Variants in RAPGEF2 observed in about 807,000 individuals in gnomAD.
The protein encoded by RAPGEF2 is Rap guanine nucleotide exchange factor 2.
Under a neutral mutation model 186.7 loss-of-function variants are expected in RAPGEF2, and 54 were observed. The ratio of observed to expected loss-of-function variants is 0.29; its 90% confidence interval spans 0.23 to 0.36. The LOEUF is 0.36. Ranked by LOEUF, RAPGEF2 falls within the 10% of genes least tolerant of loss-of-function variation. The probability of loss-of-function intolerance (pLI) is 1.00; values close to 1 mark genes in which losing one functional copy is unlikely to be tolerated. For synonymous variants in RAPGEF2, 712 were observed against 705.9 expected (o/e 1.01, Z -0.14); for missense variants, 1,532 against 2,045.0 (o/e 0.75, Z 4.84).
At chr4:159,143,258 C>G (rs1742545599) in intron 1 of RAPGEF2, among the ~76,000 whole-genome samples, 1 of 151,930 alleles carries the variant, frequency 6.6e-6, no homozygotes, top group Non-Finnish European at 1.5e-5. Flanking sequence ...ACCACCACTA[C>G]CACCACCAAA....
At chr4:159,337,686 G>A (rs867285139) in intron 17 of RAPGEF2, among the ~76,000 whole-genome samples, 11 of 148,458 alleles carry the variant, frequency 7.4e-5, no homozygotes, top group Admixed American at 2.0e-4. Flanking sequence ...TCAGGAGATC[G>A]AGACCATCCT....
intron 4 of RAPGEF2, among the ~76,000 whole-genome samples, chr4:159,211,969 G>A (rs1039024773): frequency 1.3e-5 from 2 of 152,062 alleles, no homozygotes; most frequent in African/African-American, 2.4e-5. Context: ...AAAGAATGAC[G>A]ACAAAATAGC....
chr4:159,332,683 A>G lies in RAPGEF2; in HGVS notation c.2121A>G (p.Pro707=), dbSNP rs375005799. 4.5e-5 allele frequency: 72 copies of G among 1,613,956 alleles called. No individual in the cohort carries two copies. Among genetic ancestry groups the G allele is most frequent in the Non-Finnish European group, 5.8e-5 (69 of 1,179,978 alleles). The stretch of plus-strand genomic sequence containing the variant: ...ACAAGACTCGGATCAGTATCTTGCC[A>G]CAGAAACCATACAAGTAAGCATCTG... The part of the protein sequence containing the change: ...ILDKTRISIL[P]QKPYNDIGIG... The change falls in exon 17 of 30, where the codon CCA becomes CCG. Residue 707 remains proline (P), a synonymous_variant. Transcript: ENST00000691494.
chr4:159,314,561 A>G (rs763597017), intron 8 of RAPGEF2, 30 bp from the exon 9 acceptor site: 1 of 1,566,754 alleles, frequency 6.4e-7, no homozygotes, highest in Non-Finnish European at 8.6e-7. Flanking sequence ...TACTTAAAAT[A>G]GTTTTTAATT....
chr4:159,304,234 A>G, intron 7 of RAPGEF2, 108 bp from the exon 8 acceptor site: 5 of 1,041,066 alleles, frequency 4.8e-6, no homozygotes, highest in Non-Finnish European at 6.7e-6. Context: ...AATGAATACC[A>G]TTTTTAGTTC....
At chr4:159,290,994 T>C (rs1365358993) in intron 7 of RAPGEF2, among the ~76,000 whole-genome samples, 1 of 152,154 alleles carries the variant, frequency 6.6e-6, no homozygotes, top group African/African-American at 2.4e-5. Flanking sequence ...TAGAAATAAA[T>C]CCTAACATGG....
intron 1 of RAPGEF2, among the ~76,000 whole-genome samples, chr4:159,126,868 T>A (rs1277280705): frequency 1.3e-5 from 2 of 152,200 alleles, no homozygotes; most frequent in African/African-American, 4.8e-5. Context: ...AGAACCCCAT[T>A]CATGTGCATG....
intron 1 of RAPGEF2, among the ~76,000 whole-genome samples, chr4:159,132,499 G>A (rs13134085): frequency 0.62 from 94,237 of 152,102 alleles, 29,853 homozygotes; most frequent in African/African-American, 0.75. Flanking sequence ...AGAAAGGGCT[G>A]TCTCTCCTTT....
chr4:159,154,312 A>G (rs1417818118), intron 1 of RAPGEF2, among the ~76,000 whole-genome samples: 2 of 152,214 alleles, frequency 1.3e-5, no homozygotes, highest in East Asian at 3.8e-4. Context: ...TGTAGAAAGG[A>G]CAGTAATAGT....
chr4:159,130,210 C>T (rs905932520), intron 1 of RAPGEF2, among the ~76,000 whole-genome samples: 10 of 152,182 alleles, frequency 6.6e-5, no homozygotes, highest in African/African-American at 2.2e-4. Context: ...TTGTCTGCTT[C>T]TTTACCTTGT....
At chr4:159,268,841 A>G (rs1047922023) in intron 7 of RAPGEF2, among the ~76,000 whole-genome samples, 1 of 152,130 alleles carries the variant, frequency 6.6e-6, no homozygotes, top group Non-Finnish European at 1.5e-5. Context: ...GCCTAACACC[A>G]AGTCAGAGCC....
intron 5 of RAPGEF2, among the ~76,000 whole-genome samples, chr4:159,239,785 A>T (rs1753737896): frequency 6.6e-6 from 1 of 152,200 alleles, no homozygotes; most frequent in Admixed American, 6.5e-5. Flanking sequence ...GCTGGGAAGG[A>T]AGATCTTGTA....
intron 26 of RAPGEF2, chr4:159,351,114 TTCC>T: frequency 6.5e-7 from 1 of 1,535,218 alleles, no homozygotes; most frequent in Admixed American, 2.0e-5. Flanking sequence ...ACTTAACCAG[TTCC>T]TCCTCTTCTC....
At chr4:159,158,974 T>G (rs1744418668) in intron 1 of RAPGEF2, among the ~76,000 whole-genome samples, 1 of 152,238 alleles carries the variant, frequency 6.6e-6, no homozygotes, top group African/African-American at 2.4e-5. Context: ...ATAATCTCAC[T>G]TTATTTGGTC....
At chr4:159,162,323 G>T (rs1744801458) in intron 1 of RAPGEF2, among the ~76,000 whole-genome samples, 1 of 150,706 alleles carries the variant, frequency 6.6e-6, no homozygotes, top group Non-Finnish European at 1.5e-5. Flanking sequence ...TTGAGCCCAG[G>T]AGTTTGGGGG....
intron 7 of RAPGEF2, among the ~76,000 whole-genome samples, chr4:159,289,016 G>A (rs939865343): frequency 3.3e-5 from 5 of 152,108 alleles, no homozygotes; most frequent in Non-Finnish European, 7.4e-5. Flanking sequence ...TGCTCTTCTT[G>A]TGGTATTGTC....
chr4:159,111,083 G>A (rs28575727), intron 1 of RAPGEF2, among the ~76,000 whole-genome samples: 1,551 of 151,368 alleles, frequency 0.01, 30 homozygotes, highest in African/African-American at 0.036. Flanking sequence ...ATTTTAAGAA[G>A]CGTGTGTTTC....
At chr4:159,355,009 A>G (rs1731762904) in intron 28 of RAPGEF2, among the ~76,000 whole-genome samples, 1 of 152,240 alleles carries the variant, frequency 6.6e-6, no homozygotes, top group Non-Finnish European at 1.5e-5. Flanking sequence ...AGTCATGGGT[A>G]GATTTCAAGT....
intron 19 of RAPGEF2, among the ~76,000 whole-genome samples, chr4:159,340,127 T>A (rs1031253153): frequency 6.6e-6 from 1 of 152,202 alleles, no homozygotes; most frequent in Non-Finnish European, 1.5e-5. Flanking sequence ...ATTAAGTAGT[T>A]CCATAAATCA....
Sources: allele counts gnomAD v4.1 joint callset (sites outside exome capture counted in the v4.1 genomes callset), GRCh38; gene constraint gnomAD v4.1.1; transcripts MANE v1.5; gene names NCBI Gene and HGNC (gene_info 2026-07-23, HGNC 2026-07-21).